The following CADM2 variants were observed in gnomAD, a reference collection of about 807,000 sequenced individuals.
The protein encoded by CADM2 is cell adhesion molecule 2, also known as immunoglobulin superfamily member 4D.
Under a neutral mutation model 49.8 loss-of-function variants are expected in CADM2, and 12 were observed. That is an observed-to-expected ratio of 0.24 (90% CI 0.15 to 0.39). CADM2 has a LOEUF of 0.39. Ranked by LOEUF, CADM2 falls within the 10% of genes least tolerant of loss-of-function variation. The pLI is 1.00. For synonymous variants in CADM2, 214 were observed against 175.4 expected (o/e 1.22, Z -1.74); for missense variants, 378 against 492.3 (o/e 0.77, Z 2.20).
At chr3:85,961,692 T>C in intron 8 of CADM2, 45 bp downstream of exon 8, 2 of 1,386,212 alleles carry the variant, frequency 1.4e-6, no homozygotes, top group Non-Finnish European at 1.9e-6. Flanking sequence ...GATGCATAAC[T>C]TGAAAAACTA....
chr3:85,375,064 T>C (rs935865999), intron 1 of CADM2, among the ~76,000 whole-genome samples: 1 of 152,240 alleles, frequency 6.6e-6, no homozygotes, highest in African/African-American at 2.4e-5. Flanking sequence ...GAGATTACTG[T>C]GTGTCAGTTA....
At chr3:86,014,499 A>G in intron 8 of CADM2, 17 of 1,537,100 alleles carry the variant, frequency 1.1e-5, no homozygotes, top group Non-Finnish European at 1.5e-5. Flanking sequence ...ACTCCCTGGA[A>G]AATACCACAG....
chr3:85,643,936 C>T (rs941953177), intron 1 of CADM2, among the ~76,000 whole-genome samples: 1 of 152,026 alleles, frequency 6.6e-6, no homozygotes, highest in Non-Finnish European at 1.5e-5. Flanking sequence ...GGGGTTAGGG[C>T]TTTAGCATAT....
intron 1 of CADM2, among the ~76,000 whole-genome samples, chr3:84,966,345 CTT>C (rs1446479655): frequency 6.6e-6 from 1 of 151,802 alleles, no homozygotes; most frequent in Non-Finnish European, 1.5e-5. Context: ...TGAAGAACAT[CTT>C]TATTAATTTT....
chr3:85,530,092 T>C (rs1009703056), intron 1 of CADM2, among the ~76,000 whole-genome samples: 3 of 151,690 alleles, frequency 2.0e-5, no homozygotes, highest in Non-Finnish European at 4.4e-5. Context: ...GATTGGATCA[T>C]GAAAACAGTG....
chr3:85,735,507 T>C (rs2068098023), intron 2 of CADM2, among the ~76,000 whole-genome samples: 1 of 152,028 alleles, frequency 6.6e-6, no homozygotes, highest in African/African-American at 2.4e-5. Context: ...TAGAGAGCCA[T>C]GGGAAGTTTC....
chr3:85,638,003 A>G (rs544680419), intron 1 of CADM2, among the ~76,000 whole-genome samples: 2 of 152,372 alleles, frequency 1.3e-5, no homozygotes, highest in East Asian at 1.9e-4. Context: ...TTATAACCTT[A>G]TAAATAACAT....
intron 1 of CADM2, among the ~76,000 whole-genome samples, chr3:85,313,052 T>G (rs2107060412): frequency 6.6e-6 from 1 of 152,220 alleles, no homozygotes; most frequent in Admixed American, 6.5e-5. Flanking sequence ...ACCATACATG[T>G]TTTTGAAACA....
At chr3:85,291,146 A>G (rs1026718347) in intron 1 of CADM2, among the ~76,000 whole-genome samples, 2 of 152,210 alleles carry the variant, frequency 1.3e-5, no homozygotes, top group Non-Finnish European at 2.9e-5. Flanking sequence ...AGAATGCAGA[A>G]GCCTCAGGAG....
At chr3:85,532,102 A>G (rs948035303) in intron 1 of CADM2, among the ~76,000 whole-genome samples, 8 of 152,116 alleles carry the variant, frequency 5.3e-5, no homozygotes, top group South Asian at 2.1e-4. Context: ...GCGTGAACCC[A>G]GGAGGCGGAG....
At chr3:85,156,955 A>C (rs2040147885) in intron 1 of CADM2, among the ~76,000 whole-genome samples, 1 of 152,158 alleles carries the variant, frequency 6.6e-6, no homozygotes, top group African/African-American at 2.4e-5. Flanking sequence ...GTCTCAGCCC[A>C]AAATCTCCTT....
intron 1 of CADM2, among the ~76,000 whole-genome samples, chr3:85,457,416 G>GA (rs994050574): frequency 6.6e-4 from 93 of 140,424 alleles, no homozygotes; most frequent in African/African-American, 8.1e-4. Flanking sequence ...CTGTCTCAAG[G>GA]AAAAAAAAAA....
intron 1 of CADM2, among the ~76,000 whole-genome samples, chr3:85,542,527 C>A (rs2061572921): frequency 6.6e-6 from 1 of 152,140 alleles, no homozygotes; most frequent in African/African-American, 2.4e-5. Flanking sequence ...CTCATATAAG[C>A]ATGCCACTGT....
intron 1 of CADM2, among the ~76,000 whole-genome samples, chr3:85,033,117 C>T (rs1288850951): frequency 6.6e-6 from 1 of 152,236 alleles, no homozygotes; most frequent in East Asian, 1.9e-4. Flanking sequence ...AAAGCTATGT[C>T]TCCATTCTTC....
intron 1 of CADM2, among the ~76,000 whole-genome samples, chr3:85,647,212 A>G (rs2064913831): frequency 1.3e-5 from 2 of 151,826 alleles, no homozygotes; most frequent in Non-Finnish European, 2.9e-5. Flanking sequence ...TTCTTGCTAA[A>G]ACTTGTAATA....
intron 1 of CADM2, among the ~76,000 whole-genome samples, chr3:85,618,729 A>T (rs1157561460): frequency 6.6e-6 from 1 of 152,068 alleles, no homozygotes; most frequent in Middle Eastern, 3.2e-3. Flanking sequence ...TATGTTTTGT[A>T]TGTATAATTT....
intron 1 of CADM2, among the ~76,000 whole-genome samples, chr3:85,691,421 T>G (rs997138871): frequency 6.6e-6 from 1 of 152,208 alleles, no homozygotes; most frequent in African/African-American, 2.4e-5. Context: ...TCTTGATTGC[T>G]GATTTTTGCT....
intron 1 of CADM2, among the ~76,000 whole-genome samples, chr3:85,579,472 T>C (rs1405874969): frequency 6.6e-6 from 1 of 152,190 alleles, no homozygotes; most frequent in East Asian, 1.9e-4. Context: ...ACAAGGCTGC[T>C]ATGCTGACTT....
chr3:85,381,226 T>C (rs976626577), intron 1 of CADM2, among the ~76,000 whole-genome samples: 5 of 151,874 alleles, frequency 3.3e-5, no homozygotes, highest in African/African-American at 1.2e-4. Context: ...CTGCAGGTTT[T>C]GGAATAAAAA....
Sources: allele counts gnomAD v4.1 joint callset (sites outside exome capture counted in the v4.1 genomes callset), GRCh38; gene constraint gnomAD v4.1.1; transcripts MANE v1.5; gene names NCBI Gene and HGNC (gene_info 2026-07-23, HGNC 2026-07-21).